Variants in C2orf80 observed in about 807,000 individuals in gnomAD.
The protein encoded by C2orf80 is chromosome 2 open reading frame 80, also known as uncharacterized protein C2orf80.
In C2orf80, 28 loss-of-function variants were observed where a neutral mutation model predicts 30.2. The observed-to-expected ratio is 0.93, with a 90% confidence interval of 0.69 to 1.27. The LOEUF (loss-of-function observed/expected upper bound fraction) is 1.27. Among genes scored for constraint, C2orf80 ranks in the 50% most tolerant of loss-of-function variants. The pLI, the probability that C2orf80 is intolerant of heterozygous loss-of-function variation, is 0.00. For missense variants in C2orf80, 220 were observed against 231.0 expected (o/e 0.95, Z 0.31); for synonymous variants, 80 against 76.4 (o/e 1.05, Z -0.24).
intron 6 of C2orf80, among the ~76,000 whole-genome samples, chr2:208,174,498 A>G (rs1428728641): frequency 6.6e-6 from 1 of 152,176 alleles, no homozygotes; most frequent in Non-Finnish European, 1.5e-5. Context: ...TGGAAATAAC[A>G]GCACTAATAT....
At chr2:208,175,679 T>C (rs1696264884) in intron 6 of C2orf80, among the ~76,000 whole-genome samples, 2 of 152,196 alleles carry the variant, frequency 1.3e-5, no homozygotes, top group African/African-American at 4.8e-5. Context: ...GGAGACATTT[T>C]ATCGGAAGGA....
At chr2:208,171,686 A>T (rs1000010684) in intron 7 of C2orf80, among the ~76,000 whole-genome samples, 25 of 151,372 alleles carry the variant, frequency 1.7e-4, no homozygotes, top group African/African-American at 4.9e-4. Context: ...GGCACACAAG[A>T]GATCCTTCCA....
At chr2:208,167,712 G>C (rs1695945684) in intron 8 of C2orf80, among the ~76,000 whole-genome samples, 1 of 151,452 alleles carries the variant, frequency 6.6e-6, no homozygotes, top group Admixed American at 6.6e-5. Flanking sequence ...TAGTAGCTGG[G>C]ATTATAGGCG....
chr2:208,178,528 C>G (rs1559341799), intron 6 of C2orf80, among the ~76,000 whole-genome samples: 1 of 152,114 alleles, frequency 6.6e-6, no homozygotes, highest in African/African-American at 2.4e-5. Flanking sequence ...CTTTGAAAAC[C>G]AAGAACAGCT....
chr2:208,185,219 G>A (rs1696683695), intron 2 of C2orf80, among the ~76,000 whole-genome samples, 187 bp from the exon 3 acceptor site: 1 of 151,640 alleles, frequency 6.6e-6, no homozygotes, highest in Non-Finnish European at 1.5e-5. Context: ...AGTTTAAAAT[G>A]TCTAACCATA....
chr2:208,187,040 C>A lies in C2orf80; in HGVS notation c.-54G>T. ...TCTGCAGCTAACACTACACTTAGACCCAGCTTCTCTGAGTCTAGAGGCTAC... is the reference window on the plus strand; with the variant it reads ...TCTGCAGCTAACACTACACTTAGACACAGCTTCTCTGAGTCTAGAGGCTAC... On this transcript the variant is annotated 5_prime_UTR_variant, in exon 2 of 9. Transcript: ENST00000341287. The A allele has an allele frequency of 6.4e-7, 1 of 1,551,082 alleles. No homozygotes were observed.
rs143362685 is a variant in C2orf80 at position 208,169,996 on chromosome 2, T to C, written c.573+949A>G. ...AAATCTGAATAAATCCTAAGCCTCATGTAGTCCAGTCTATTCAGAGATTCA... is the reference window on the plus strand; with the variant it reads ...AAATCTGAATAAATCCTAAGCCTCACGTAGTCCAGTCTATTCAGAGATTCA... On this transcript the variant is annotated intron_variant, in intron 8 of 8. Transcript: ENST00000341287. Among the ~76,000 whole-genome samples the C allele has an allele frequency of 4.9e-4, 75 of 152,308 alleles. 1 individual carries two copies. In the East Asian group the frequency reaches 0.014, roughly 28 times the overall value.
chr2:208,189,947 G>C lies in C2orf80; in HGVS notation c.-76+6C>G. 1 of 702,818 alleles carries C rather than the reference G, an allele frequency of 1.4e-6. No individual in the cohort carries two copies. Among genetic ancestry groups the C allele is most frequent in the South Asian group, 1.5e-5 (1 of 67,564 alleles). 43.5% of individuals were successfully genotyped at this position (702,818 alleles called of 1,614,324 possible). Reference sequence around the variant, plus strand: ...CTTAACAAATTCCCCTTTGAGAATCGCTCACCAACCGGAGACCGGTTCCAG... The same window carrying C: ...CTTAACAAATTCCCCTTTGAGAATCCCTCACCAACCGGAGACCGGTTCCAG... On this transcript the variant is annotated splice_donor_region_variant and intron_variant, in intron 1 of 8. Transcript: ENST00000341287.
At chr2:208,178,280 C>T (rs1216949147) in intron 6 of C2orf80, among the ~76,000 whole-genome samples, 1 of 152,084 alleles carries the variant, frequency 6.6e-6, no homozygotes, top group Non-Finnish European at 1.5e-5. Context: ...GAGTTGGGAC[C>T]AACTAGTCAG....
chr2:208,190,000 G>A lies in C2orf80; in HGVS notation c.-123C>T, dbSNP rs1317228274. 1.3e-5 allele frequency: 9 copies of A among 702,852 alleles called. No individual in the cohort carries two copies. In the East Asian group the frequency reaches 2.1e-4, roughly 17 times the overall value. The allele number at this position is 702,852 out of a possible 1,614,324, so 43.5% of individuals were successfully genotyped here. ...CTTTTGTTCTTTCTCTGCTTCTGGA[G>A]GCATGCTGAAGCATCCGCGCATCTC... is the stretch of plus-strand genomic sequence containing the variant. On this transcript the variant is annotated 5_prime_UTR_variant, in exon 1 of 9. Transcript: ENST00000341287.
intron 8 of C2orf80, 32 bp downstream of exon 8, chr2:208,170,913 C>A: frequency 1.3e-6 from 2 of 1,525,844 alleles, no homozygotes; most frequent in Non-Finnish European, 1.8e-6. Context: ...TAGCTGGTAT[C>A]AGTTTGGTCC....
intron 7 of C2orf80, 64 bp from the exon 8 acceptor site, chr2:208,171,127 G>GT (rs1195841309): frequency 2.0e-6 from 2 of 1,023,730 alleles, no homozygotes; most frequent in African/African-American, 1.6e-5. Context: ...TCCATCCAAA[G>GT]TTTCATTTAA....
At chr2:208,183,168 G>T in intron 3 of C2orf80, 121 bp from the exon 4 acceptor site, 1 of 697,814 alleles carries the variant, frequency 1.4e-6, no homozygotes, top group Non-Finnish European at 2.4e-6. Flanking sequence ...AAAATGGGAA[G>T]GATCATTAGC....
rs763592107 is a variant in C2orf80, at chr2:208,172,034, A to T, written c.408T>A (p.Phe136Leu). Residue 136 changes from phenylalanine to leucine, a missense_variant, in exon 7 of 9, where the codon TTT becomes TTA. Transcript: ENST00000341287. ...CTGCTTTGGGTGCTGTTAACATGGCAAAGGGGTGCAAGGAGAGGCAGAGAG... is the reference window on the plus strand; with the variant it reads ...CTGCTTTGGGTGCTGTTAACATGGCTAAGGGGTGCAAGGAGAGGCAGAGAG... ...VSSLCLSLHP[F>L]AMLTAPKAAA... 8 of 1,613,988 alleles carry T rather than the reference A, an allele frequency of 5.0e-6. No individual in the cohort carries two copies. In the East Asian group the frequency reaches 1.8e-4, roughly 36 times the overall value.
rs919804576 is a variant in C2orf80 at position 208,189,820 on chromosome 2, A to G, written c.-76+133T>C. ...GTCAGAGCCCCCAAATTCTATAGGA[A>G]TATCATTTCCTGGAGAATATCTGCA... On this transcript the variant is annotated intron_variant, in intron 1 of 8. Coordinates refer to ENST00000341287, the MANE Select transcript of C2orf80 (RefSeq NM_001099334.3). 2.9e-5 allele frequency: 19 copies of G among 652,072 alleles called. No individual in the cohort carries two copies. In the African/African-American group the frequency reaches 3.5e-4, roughly 12 times the overall value. 40.4% of individuals were successfully genotyped at this position (652,072 alleles called of 1,614,324 possible).
intron 8 of C2orf80, among the ~76,000 whole-genome samples, chr2:208,170,206 C>G (rs1239439504): frequency 6.6e-6 from 1 of 152,180 alleles, no homozygotes; most frequent in Non-Finnish European, 1.5e-5. Flanking sequence ...TAAAATATCC[C>G]AGAATCCCAG....
intron 8 of C2orf80, among the ~76,000 whole-genome samples, chr2:208,167,739 G>C (rs1695947389): frequency 6.6e-6 from 1 of 151,814 alleles, no homozygotes; most frequent in African/African-American, 2.4e-5. Context: ...ACCACACCCA[G>C]CTAATTTTTG....
chr2:208,185,593 G>A (rs1444057402), intron 2 of C2orf80, among the ~76,000 whole-genome samples: 1 of 152,118 alleles, frequency 6.6e-6, no homozygotes, highest in Admixed American at 6.6e-5. Flanking sequence ...GGTAAAATAA[G>A]CACCATGAGG....
chr2:208,172,173 C>A, intron 6 of C2orf80, 98 bp from the exon 7 acceptor site: 1 of 931,432 alleles, frequency 1.1e-6, no homozygotes. Flanking sequence ...AACTCAGAAT[C>A]CTTGAGTCCA....
Sources: gnomAD v4.1 joint callset for allele counts (sites outside exome capture counted in the v4.1 genomes callset) on GRCh38, gnomAD v4.1.1 for gene constraint, MANE v1.5 for transcripts, NCBI Gene and HGNC (gene_info 2026-07-23, HGNC 2026-07-21) for gene names.